Variants in CLASP1 observed in about 807,000 individuals in gnomAD.
CLASP1 encodes CLIP-associating protein 1.
In CLASP1, 38 loss-of-function variants were observed where a neutral mutation model predicts 192.3. The observed-to-expected ratio is 0.20, with a 90% CI of 0.15 to 0.26. CLASP1 has a LOEUF of 0.26. Ranked by LOEUF, CLASP1 falls within the 10% of genes least tolerant of loss-of-function variation. CLASP1 has a pLI of 1.00. For missense variants in CLASP1, 1,433 were observed against 1,932.5 expected (o/e 0.74, Z 4.85); for synonymous variants, 691 against 712.8 (o/e 0.97, Z 0.49).
intron 37 of CLASP1, among the ~76,000 whole-genome samples, chr2:121,360,261 T>C (rs1177482829): frequency 3.3e-5 from 5 of 152,190 alleles, no homozygotes; most frequent in African/African-American, 1.2e-4. Context: ...AACTAGCTTC[T>C]TATTGAGAAC....
intron 1 of CLASP1, among the ~76,000 whole-genome samples, chr2:121,635,439 T>C (rs1484533226): frequency 2.0e-5 from 3 of 152,160 alleles, no homozygotes; most frequent in African/African-American, 4.8e-5. Flanking sequence ...ATAATAAAAG[T>C]GTTTACATAA....
intron 2 of CLASP1, among the ~76,000 whole-genome samples, chr2:121,602,468 G>T (rs1308753035): frequency 1.3e-5 from 2 of 152,084 alleles, no homozygotes; most frequent in Non-Finnish European, 2.9e-5. Context: ...CCTAAAATTT[G>T]TATGGAACCA....
At chr2:121,386,098 A>G (rs1210239336) in intron 32 of CLASP1, among the ~76,000 whole-genome samples, 1 of 152,240 alleles carries the variant, frequency 6.6e-6, no homozygotes, top group Non-Finnish European at 1.5e-5. Context: ...CAAAGTATTT[A>G]AAGGATATGA....
rs910071393 is a variant in CLASP1 at position 121,367,476 on chromosome 2, C to T, written c.3886+112G>A. On this transcript the variant is annotated intron_variant, in intron 35 of 39. Coordinates refer to ENST00000263710, the Ensembl canonical transcript of CLASP1. Reference sequence around the variant, plus strand: ...TGAACAAATGACTAAGCAGAAAGAACAGACCCAGCGTCTCCATTTACATCT... The same window carrying T: ...TGAACAAATGACTAAGCAGAAAGAATAGACCCAGCGTCTCCATTTACATCT... 85 of 1,402,550 alleles carry T rather than the reference C, an allele frequency of 6.1e-5. 1 individual carries two copies. The South Asian group carries it at 1.0e-3, about 17-fold the overall frequency. 86.9% of individuals were successfully genotyped at this position (1,402,550 alleles called of 1,614,324 possible).
chr2:121,611,040 C>G (rs200308247), intron 1 of CLASP1, among the ~76,000 whole-genome samples: 263 of 44,810 alleles, frequency 5.9e-3, no homozygotes, highest in African/African-American at 0.01. Context: ...TGGAGGAGGA[C>G]GAGTTGGAGG....
rs562216587 is a variant in CLASP1 at position 121,435,919 on chromosome 2, CCTATTCAGA to C, written c.1913-5751_1913-5743del. On this transcript the variant is annotated intron_variant, in intron 19 of 39. Coordinates refer to ENST00000263710, the Ensembl canonical transcript of CLASP1. Reference sequence around the variant, plus strand: ...ATGAACACTGATATGCTCCACCCTTCCTATTCAGACTATTCAGATTTCCCTGTTTTCTTT... The same window carrying C: ...ATGAACACTGATATGCTCCACCCTTCCTATTCAGATTTCCCTGTTTTCTTT... 2.0e-3 allele frequency among the ~76,000 whole-genome samples: 311 copies of C among 152,304 alleles called. 1 individual carries two copies. The highest frequency in any genetic ancestry group is 7.2e-3 in the African/African-American group (298 of 41,568).
At chr2:121,509,903 A>C (rs1004576724) in intron 7 of CLASP1, among the ~76,000 whole-genome samples, 7 of 152,234 alleles carry the variant, frequency 4.6e-5, no homozygotes, top group Non-Finnish European at 8.8e-5. Flanking sequence ...TATGTTCTCT[A>C]ACCACAATTT....
At chr2:121,593,708 G>T (rs560059908) in intron 2 of CLASP1, among the ~76,000 whole-genome samples, 1 of 150,126 alleles carries the variant, frequency 6.7e-6, no homozygotes, top group South Asian at 2.1e-4. Context: ...CATGAAACAG[G>T]ATTAAAAAAA....
chr2:121,642,575 T>C (rs1482970468), intron 1 of CLASP1, among the ~76,000 whole-genome samples: 1 of 148,266 alleles, frequency 6.7e-6, no homozygotes. Flanking sequence ...CTACTAAAAA[T>C]ACAAGAATGA....
intron 22 of CLASP1, among the ~76,000 whole-genome samples, chr2:121,422,935 T>A (rs1036884893): frequency 7.2e-5 from 11 of 152,118 alleles, no homozygotes; most frequent in African/African-American, 2.4e-4. Context: ...TCCTCTTTTT[T>A]TCAACAATTA....
At chr2:121,490,079 G>A (rs2093216888) in intron 8 of CLASP1, among the ~76,000 whole-genome samples, 1 of 152,082 alleles carries the variant, frequency 6.6e-6, no homozygotes, top group African/African-American at 2.4e-5. Context: ...AGTCTTAGAA[G>A]GTTAACATTG....
chr2:121,533,376 TAA>T (rs1313852337), intron 2 of CLASP1, among the ~76,000 whole-genome samples: 7 of 152,166 alleles, frequency 4.6e-5, no homozygotes, highest in Non-Finnish European at 1.0e-4. Flanking sequence ...ACCACTCTGA[TAA>T]TTAACTATAA....
At chr2:121,631,563 G>A (rs1262851658) in intron 1 of CLASP1, among the ~76,000 whole-genome samples, 1 of 151,882 alleles carries the variant, frequency 6.6e-6, no homozygotes, top group Non-Finnish European at 1.5e-5. Context: ...TGGGATTACA[G>A]GCGTAAGCCA....
chr2:121,391,885 C>T (rs917632090), intron 30 of CLASP1, among the ~76,000 whole-genome samples: 2 of 152,218 alleles, frequency 1.3e-5, no homozygotes, highest in African/African-American at 4.8e-5. Flanking sequence ...GCCTGGCCAA[C>T]AGAGCGAGAC....
intron 32 of CLASP1, among the ~76,000 whole-genome samples, chr2:121,383,066 T>G (rs2072141358): frequency 6.6e-6 from 1 of 152,208 alleles, no homozygotes; most frequent in African/African-American, 2.4e-5. Flanking sequence ...TGTCACTGGG[T>G]GCCTGGGCTT....
intron 25 of CLASP1, among the ~76,000 whole-genome samples, chr2:121,406,205 AC>A (rs1278705351): frequency 6.6e-6 from 1 of 152,226 alleles, no homozygotes; most frequent in Non-Finnish European, 1.5e-5. Flanking sequence ...CTTAGATTTG[AC>A]AAAATATGGT....
At chr2:121,495,814 TGGA>T (rs1438333726) in intron 8 of CLASP1, among the ~76,000 whole-genome samples, 3 of 152,222 alleles carry the variant, frequency 2.0e-5, no homozygotes, top group African/African-American at 4.8e-5. Context: ...ATTGAGCAAC[TGGA>T]GGAGAATCTA....
At chr2:121,434,763 G>A (rs1443015619) in intron 19 of CLASP1, among the ~76,000 whole-genome samples, 1 of 151,024 alleles carries the variant, frequency 6.6e-6, no homozygotes, top group East Asian at 2.0e-4. Context: ...GCTGAGGCAG[G>A]TGGATTACTT....
intron 30 of CLASP1, among the ~76,000 whole-genome samples, chr2:121,388,541 A>G (rs1420909064): frequency 6.6e-6 from 1 of 152,212 alleles, no homozygotes; most frequent in Non-Finnish European, 1.5e-5. Flanking sequence ...ACACACTGCA[A>G]GCCTGCTTGT....
Sources: allele counts gnomAD v4.1 joint callset (sites outside exome capture counted in the v4.1 genomes callset), GRCh38; gene constraint gnomAD v4.1.1; transcripts MANE v1.5; gene names NCBI Gene and HGNC (gene_info 2026-07-23, HGNC 2026-07-21).